The following CREB3L2 variants were observed in gnomAD, a reference collection of about 807,000 sequenced individuals.
The protein encoded by CREB3L2 is cAMP responsive element binding protein 3 like 2, also known as cyclic AMP-responsive element-binding protein 3-like protein 2.
Under a neutral mutation model 57.2 loss-of-function variants are expected in CREB3L2, and 23 were observed. The observed-to-expected ratio is 0.40, with a 90% CI of 0.29 to 0.57. The LOEUF is 0.57. Ranked by LOEUF, CREB3L2 falls within the 20% of genes least tolerant of loss-of-function variation. CREB3L2 has a pLI of 0.42. For synonymous variants in CREB3L2, 268 were observed against 265.1 expected (o/e 1.01, Z -0.11); for missense variants, 628 against 634.7 (o/e 0.99, Z 0.11).
In CREB3L2 at chr7:137,979,728, A is replaced by AAAC. The variant is rs139819092; in HGVS notation, c.102+21873_102+21875dup. Among the ~76,000 whole-genome samples, 269 of 150,492 alleles carry AAAC rather than the reference A, an allele frequency of 1.8e-3. 1 individual carries two copies. Among genetic ancestry groups the AAAC allele is most frequent in the East Asian group, 4.0e-3 (20 of 5,046 alleles). ...GCAACAGATCGAGACTCCGTCTCAA[A>AAAC]AACAACAACAACAACAACAACAACA... On this transcript the variant is annotated intron_variant, in intron 1 of 11. Transcript: ENST00000330387.
In CREB3L2 at chr7:138,001,530, G is replaced by T; in HGVS notation, c.102+74C>A. The T allele has an allele frequency of 8.7e-7, 1 of 1,148,420 alleles. No individual in the cohort carries two copies. Among genetic ancestry groups the T allele is most frequent in the Non-Finnish European group, 1.3e-6 (1 of 794,160 alleles). The allele number at this position is 1,148,420 out of a possible 1,614,324, so 71.1% of individuals were successfully genotyped here. On this transcript the variant is annotated intron_variant, in intron 1 of 11. Coordinates refer to ENST00000330387, the MANE Select transcript of CREB3L2 (RefSeq NM_194071.4). This position sits in a 1 kb window ranked among gnomAD's most constrained non-coding sequence, Gnocchi z 4.2. ...CAAACCCTGCCTTCCCGGGTCCCAG[G>T]ACTCCAGCTGCTCCTCGCGTGACAA... is the stretch of plus-strand genomic sequence containing the variant.
intron 1 of CREB3L2, among the ~76,000 whole-genome samples, chr7:137,987,363 T>C (rs776121139): frequency 3.9e-5 from 6 of 152,050 alleles, no homozygotes; most frequent in Non-Finnish European, 7.4e-5. Context: ...GGTCTGTGCC[T>C]AGTCGTTTGA....
Position 137,878,448 on chromosome 7 carries a change from G to C in CREB3L2, c.*2028C>G. On this transcript the variant is annotated 3_prime_UTR_variant, in exon 12 of 12. Transcript: ENST00000330387. ...GATAATGACCTGACAGTTTAAAAGA[G>C]AGGGATGGGTCAGTGGAGGCCCATG... 4.3e-6 allele frequency: 1 copy of C among 233,084 alleles called. No individual in the cohort carries two copies. Among genetic ancestry groups the C allele is most frequent in the Non-Finnish European group, 8.5e-6 (1 of 117,938 alleles). The allele number at this position is 233,084 out of a possible 1,614,324, so 14.4% of individuals were successfully genotyped here. A position where few individuals can be genotyped will look rare whatever the true frequency, so the allele number is the denominator to read the frequency against.
intron 1 of CREB3L2, among the ~76,000 whole-genome samples, chr7:137,952,158 G>C (rs1336606759): frequency 6.6e-6 from 1 of 152,072 alleles, no homozygotes; most frequent in African/African-American, 2.4e-5. Context: ...AAATCCACAA[G>C]TCCTTATTGT....
At chr7:137,948,531 G>A (rs1047822042) in intron 1 of CREB3L2, among the ~76,000 whole-genome samples, 1 of 152,244 alleles carries the variant, frequency 6.6e-6, no homozygotes, top group African/African-American at 2.4e-5. Flanking sequence ...CTCACTATTA[G>A]ACTGTTTACT....
intron 8 of CREB3L2, among the ~76,000 whole-genome samples, chr7:137,887,054 G>A (rs923647954): frequency 6.6e-6 from 1 of 152,144 alleles, no homozygotes; most frequent in Non-Finnish European, 1.5e-5. Context: ...TTTCTCTTGG[G>A]TCTCAAGGAT....
Position 137,878,313 on chromosome 7 carries a change from C to T in CREB3L2, c.*2163G>A, listed in dbSNP as rs1799203768. 4.3e-6 allele frequency: 1 copy of T among 232,824 alleles called. No homozygotes were observed. The highest frequency in any genetic ancestry group is 6.0e-5 in the East Asian group (1 of 16,558). 14.4% of individuals were successfully genotyped at this position (232,824 alleles called of 1,614,324 possible). ...CAGCAGGTACATGGGTTGGCTCATT[C>T]TCTCACTTCTGCCCCTAAATTTGAA... On this transcript the variant is annotated 3_prime_UTR_variant, in exon 12 of 12. Transcript: ENST00000330387.
In CREB3L2 at chr7:137,986,486, A is replaced by T. The variant is rs558681654; in HGVS notation, c.102+15118T>A. On this transcript the variant is annotated intron_variant, in intron 1 of 11. Transcript: ENST00000330387. ...CTCATCCATTACTTTGACACAAAGCACCATGCAGATATCATCATTTTCCAT... is the reference window on the plus strand; with the variant it reads ...CTCATCCATTACTTTGACACAAAGCTCCATGCAGATATCATCATTTTCCAT... Among the ~76,000 whole-genome samples the T allele has an allele frequency of 1.1e-3, 172 of 152,342 alleles. 6 individuals carry two copies. The South Asian group carries it at 0.032, about 28-fold the overall frequency.
chr7:137,981,651 G>A (rs866732693), intron 1 of CREB3L2, among the ~76,000 whole-genome samples: 8 of 152,216 alleles, frequency 5.3e-5, no homozygotes, highest in African/African-American at 1.9e-4. Flanking sequence ...GCTCAAGGAG[G>A]GATGAATGAA....
At chr7:137,991,187 G>A (rs1257444785) in intron 1 of CREB3L2, among the ~76,000 whole-genome samples, 4 of 151,146 alleles carry the variant, frequency 2.6e-5, no homozygotes, top group Non-Finnish European at 5.9e-5. Flanking sequence ...TTTTGGGGAC[G>A]GAGTCTTGCT....
At chr7:137,914,461 A>G (rs1585619817) in intron 3 of CREB3L2, among the ~76,000 whole-genome samples, 1 of 152,082 alleles carries the variant, frequency 6.6e-6, no homozygotes, top group Non-Finnish European at 1.5e-5. Flanking sequence ...GTAAAACCCC[A>G]TCTCTACTAA....
intron 1 of CREB3L2, among the ~76,000 whole-genome samples, chr7:137,970,435 T>G (rs1801487182): frequency 6.6e-6 from 1 of 152,220 alleles, no homozygotes; most frequent in African/African-American, 2.4e-5. Flanking sequence ...ATCGTATCTT[T>G]TAACGAGAGA....
intron 1 of CREB3L2, among the ~76,000 whole-genome samples, chr7:137,956,396 G>A (rs1439040813): frequency 1.3e-5 from 2 of 152,306 alleles, no homozygotes; most frequent in African/African-American, 2.4e-5. Context: ...GAAGAAAATC[G>A]TTTCGCAGTG....
Position 137,876,490 on chromosome 7 carries a change from C to T in CREB3L2, c.*3986G>A, listed in dbSNP as rs1799157783. ...CCTAGGGCCTCAGGCAACACTCTTC[C>T]TTATGAAACTGAAAAGTCTTAGGAG... On this transcript the variant is annotated 3_prime_UTR_variant, in exon 12 of 12. Transcript: ENST00000330387. 1.3e-5 allele frequency: 3 copies of T among 232,714 alleles called. No homozygotes were observed. The highest frequency in any genetic ancestry group is 2.5e-5 in the Non-Finnish European group (3 of 117,850). 14.4% of individuals were successfully genotyped at this position (232,714 alleles called of 1,614,324 possible).
At chr7:137,939,870 C>G (rs1585644888) in intron 1 of CREB3L2, among the ~76,000 whole-genome samples, 1 of 152,198 alleles carries the variant, frequency 6.6e-6, no homozygotes, top group South Asian at 2.1e-4. Context: ...ATCTATCCCA[C>G]AAGCCAAGGC....
chr7:137,919,428 T>A lies in CREB3L2; in HGVS notation c.320-3416A>T, dbSNP rs141028676. 4.4e-3 allele frequency among the ~76,000 whole-genome samples: 675 copies of A among 152,244 alleles called. 3 individuals are homozygous for A. The highest frequency in any genetic ancestry group is 0.015 in the African/African-American group (633 of 41,540). On this transcript the variant is annotated intron_variant, in intron 2 of 11. Coordinates refer to ENST00000330387, the MANE Select transcript of CREB3L2 (RefSeq NM_194071.4). The stretch of plus-strand genomic sequence containing the variant: ...CTCAGGTGACCCACCCGCCTCAGCC[T>A]CCCAAAGTGCTGGGATTACAGGTGT...
chr7:137,908,270 A>T lies in CREB3L2; in HGVS notation c.750T>A (p.Pro250=). The T allele has an allele frequency of 7.9e-7, 1 of 1,258,868 alleles. No individual in the cohort carries two copies. Among genetic ancestry groups the T allele is most frequent in the East Asian group, 3.0e-5 (1 of 33,740 alleles). The allele number at this position is 1,258,868 out of a possible 1,614,324, so 78.0% of individuals were successfully genotyped here. Residue 250 remains proline, a synonymous_variant, in exon 5 of 12, where the codon CCT becomes CCA. Coordinates refer to ENST00000330387, the MANE Select transcript of CREB3L2 (RefSeq NM_194071.4). ...TACTTACATGAGGAGCCGTGAGGAG[A>T]GGGGAGCTGGAGAGGGCGGAGGGGG... ...PRAPSALSSS[P]LLTAPHKLQG...
chr7:137,962,299 T>C (rs1024628230), intron 1 of CREB3L2, among the ~76,000 whole-genome samples: 8 of 152,290 alleles, frequency 5.3e-5, no homozygotes, highest in Admixed American at 5.2e-4. Flanking sequence ...ACTGTTCCCT[T>C]AAAGCATTGG....
chr7:137,898,862 A>G (rs1241021900), intron 8 of CREB3L2, among the ~76,000 whole-genome samples: 1 of 151,940 alleles, frequency 6.6e-6, no homozygotes, highest in Non-Finnish European at 1.5e-5. Context: ...AAACAGTTTG[A>G]ACACATGGAC....
Sources: gnomAD v4.1 joint callset for allele counts (sites outside exome capture counted in the v4.1 genomes callset) on GRCh38, gnomAD v4.1.1 for gene constraint, Gnocchi (gnomAD v3.1) non-coding constraint, MANE v1.5 for transcripts, NCBI Gene and HGNC (gene_info 2026-07-23, HGNC 2026-07-21) for gene names.